The following ZNF563 variants were observed in gnomAD, a reference collection of about 807,000 sequenced individuals.
ZNF563 encodes zinc finger protein 563.
In ZNF563, 39 loss-of-function variants were observed where a neutral mutation model predicts 48.5. The observed-to-expected ratio is 0.80, with a 90% confidence interval of 0.62 to 1.05. The LOEUF is 1.05. Among genes scored for constraint, ZNF563 ranks in the 50% least tolerant of loss-of-function variants. ZNF563 has a pLI of 0.00. For synonymous variants in ZNF563, 168 were observed against 187.9 expected (o/e 0.89, Z 0.87); for missense variants, 538 against 597.0 (o/e 0.90, Z 1.03).
upstream of ZNF563, among the ~76,000 whole-genome samples, chr19:12,335,305 C>G (rs575416608): frequency 1.4e-4 from 22 of 152,332 alleles, no homozygotes; most frequent in Admixed American, 3.9e-4. Flanking sequence ...CAAAGTGGGT[C>G]GTAGAATCCA....
At chr19:12,344,061 C>A in the ZNF563 span, among the ~76,000 whole-genome samples, 6 of 151,330 alleles carry the variant, frequency 4.0e-5, no homozygotes, top group African/African-American at 7.3e-5. Context: ...AAAATACTGG[C>A]AAATGTACTT....
At chr19:12,335,246 C>T (rs2145823347), upstream of ZNF563, among the ~76,000 whole-genome samples, 1 of 152,296 alleles carries the variant, frequency 6.6e-6, no homozygotes, top group East Asian at 1.9e-4. Flanking sequence ...GACTCTTAGT[C>T]CTACTCTTCT....
chr19:12,343,770 G>A, the ZNF563 span, among the ~76,000 whole-genome samples: 10 of 127,722 alleles, frequency 7.8e-5, no homozygotes, highest in South Asian at 7.3e-4. Flanking sequence ...TCGCTCTGTC[G>A]CCCAGGCTGG....
rs374669256 is a variant in ZNF563, at chr19:12,326,410, G to A, written c.4-3699C>T. 1.8e-4 allele frequency among the ~76,000 whole-genome samples: 27 copies of A among 152,214 alleles called. No homozygotes were observed. In the East Asian group the frequency reaches 3.7e-3, roughly 21 times the overall value. The stretch of plus-strand genomic sequence containing the variant: ...TGTAATCCCAGCACTTTGGGAGGCC[G>A]AGGGGAGCGGATCACTTGAGGTCGG... On this transcript the variant is annotated intron_variant, in intron 1 of 3. Transcript: ENST00000293725.
At position 12,319,763 on chromosome 19, in the gene ZNF563, G is replaced by T; in HGVS notation, c.262C>A (p.Arg88=). ...ATGCTGTTGTTCACAATACTATCTC[G>T]AATGAGGCTAAATGTTTCTCCACAC... ...SQCGETFSLI[R]DSIVNNSICP... is the part of the protein sequence containing the mutation. Residue 88 remains arginine (R), a synonymous_variant, in exon 4 of 4, where the codon CGA becomes AGA. Transcript: ENST00000293725. The T allele has an allele frequency of 6.2e-7, 1 of 1,614,078 alleles. No individual in the cohort carries two copies. The highest frequency in any genetic ancestry group is 8.5e-7 in the Non-Finnish European group (1 of 1,180,024).
rs560088621 is a variant in ZNF563 at position 12,330,702 on chromosome 19, A to G, written c.3+2778T>C. Among the ~76,000 whole-genome samples, 3 of 152,324 alleles carry G rather than the reference A, an allele frequency of 2.0e-5. No individual in the cohort carries two copies. The East Asian group carries it at 5.8e-4, about 29-fold the overall frequency. On this transcript the variant is annotated intron_variant, in intron 1 of 3. Transcript: ENST00000293725. ...AACAGGGACAAATTGTTATCTCCAG[A>G]AGAATAACCAATCTTCTGCCTAACA...
Position 12,318,710 on chromosome 19 carries a change from G to A in ZNF563, c.1315C>T (p.His439Tyr), listed in dbSNP as rs1968500041. The A allele has an allele frequency of 3.7e-6, 6 of 1,614,168 alleles. No individual in the cohort carries two copies. Among genetic ancestry groups the A allele is most frequent in the Non-Finnish European group, 5.1e-6 (6 of 1,180,040 alleles). The change falls in exon 4 of 4, where the codon CAT (histidine) becomes TAT (tyrosine). Residue 439 changes from histidine (H) to tyrosine (Y), a missense_variant. Transcript: ENST00000293725. The part of the protein sequence containing the change: ...ALSHSSSFRR[H>Y]MVMHTGDGPN... ...CCATCTCCCGTATGCATTACCATAT[G>A]TCTTCGAAAGCTTGAGCTATGAGAT...
intron 1 of ZNF563, among the ~76,000 whole-genome samples, chr19:12,327,459 C>CAAAAA (rs35937081): frequency 1.3e-4 from 9 of 71,782 alleles, no homozygotes; most frequent in Admixed American, 1.6e-4. Context: ...CACTCCATCT[C>CAAAAA]AAAAAAAAAA....
At chr19:12,322,303 C>G (rs1968651110) in intron 2 of ZNF563, among the ~76,000 whole-genome samples, 1 of 152,166 alleles carries the variant, frequency 6.6e-6, no homozygotes, top group African/African-American at 2.4e-5. Flanking sequence ...ATCCGCCCAC[C>G]TTGGCCTCCC....
At chr19:12,326,349 GA>G (rs1968795058) in intron 1 of ZNF563, among the ~76,000 whole-genome samples, 1 of 152,070 alleles carries the variant, frequency 6.6e-6, no homozygotes, top group Non-Finnish European at 1.5e-5. Context: ...AACAACCAAA[GA>G]AAAAAATCAG....
upstream of ZNF563, chr19:12,333,759 C>T: frequency 2.0e-6 from 1 of 497,274 alleles, no homozygotes; most frequent in Non-Finnish European, 3.6e-6. Context: ...TTGGATAGGG[C>T]TCCAGGTCCC....
At position 12,319,641 on chromosome 19, in the gene ZNF563, G is replaced by A. The variant is rs1968553864; in HGVS notation, c.384C>T (p.His128=). 6.2e-7 allele frequency: 1 copy of A among 1,614,012 alleles called. No individual in the cohort carries two copies. ...LNSHIRVDSG[H]KPHEYQEYGE... ...CATATTCCTGATACTCATGTGGTTT[G>A]TGTCCAGAATCAACTCTGATGTGGC... The change falls in exon 4 of 4, where the codon CAC becomes CAT. Residue 128 remains histidine, a synonymous_variant. Transcript: ENST00000293725.
chr19:12,331,279 A>G (rs947827585), intron 1 of ZNF563, among the ~76,000 whole-genome samples: 2 of 152,160 alleles, frequency 1.3e-5, no homozygotes, highest in African/African-American at 4.8e-5. Context: ...GACAAGTCTC[A>G]TTCAAGGGTC....
chr19:12,322,863 T>C, intron 1 of ZNF563, 152 bp from the exon 2 acceptor site: 1 of 826,600 alleles, frequency 1.2e-6, no homozygotes, highest in Non-Finnish European at 1.7e-6. Context: ...ACTCACTTTC[T>C]CTCACACAGC....
chr19:12,328,208 C>G (rs973502248), intron 1 of ZNF563, among the ~76,000 whole-genome samples: 1 of 152,202 alleles, frequency 6.6e-6, no homozygotes, highest in African/African-American at 2.4e-5. Flanking sequence ...AATTCCAGGC[C>G]AGGCATGGTG....
upstream of ZNF563, among the ~76,000 whole-genome samples, chr19:12,333,963 A>G (rs1249935988): frequency 6.6e-6 from 1 of 152,172 alleles, no homozygotes; most frequent in Non-Finnish European, 1.5e-5. Context: ...TTCCTCCTGG[A>G]GAAGGAGTCA....
the ZNF563 span, among the ~76,000 whole-genome samples, chr19:12,343,129 G>A: frequency 6.6e-6 from 1 of 151,960 alleles, no homozygotes; most frequent in Non-Finnish European, 1.5e-5. Context: ...CCGGGGAGGT[G>A]GAGGTTGCAG....
rs1267150372 is a variant in ZNF563, at chr19:12,318,778, C to T, written c.1247G>A (p.Ser416Asn). Residue 416 changes from serine to asparagine, a missense_variant, in exon 4 of 4, where the codon AGT becomes AAT. Transcript: ENST00000293725. ...CTTGCATTCATAGGGTTTCTCTCCACTGTGAGACTTTTCGTGTCTTTGACA... is the reference window on the plus strand; with the variant it reads ...CTTGCATTCATAGGGTTTCTCTCCATTGTGAGACTTTTCGTGTCTTTGACA... ...SVCQRHEKSHSGEKPYECKQC... is the reference protein window; with the variant it reads ...SVCQRHEKSHNGEKPYECKQC... 2 of 1,611,706 alleles carry T rather than the reference C, an allele frequency of 1.2e-6. No individual in the cohort carries two copies. The highest frequency in any genetic ancestry group is 1.7e-5 in the Admixed American group (1 of 59,806).
upstream of ZNF563, among the ~76,000 whole-genome samples, chr19:12,334,292 A>T (rs577296128): frequency 6.6e-6 from 1 of 150,742 alleles, no homozygotes; most frequent in South Asian, 2.1e-4. Flanking sequence ...AAAATACAAC[A>T]GGAAAAAAAA....
Sources: gnomAD v4.1 joint callset for allele counts (sites outside exome capture counted in the v4.1 genomes callset) on GRCh38, gnomAD v4.1.1 for gene constraint, MANE v1.5 for transcripts, NCBI Gene and HGNC (gene_info 2026-07-23, HGNC 2026-07-21) for gene names.